Variants in TBX18 observed in about 807,000 individuals in gnomAD.
The protein encoded by TBX18 is T-box transcription factor 18.
A neutral mutation model predicts 55.0 loss-of-function variants in TBX18; 21 were observed. The observed-to-expected ratio is 0.38, with a 90% confidence interval of 0.27 to 0.55. TBX18 has a LOEUF of 0.55. Ranked by LOEUF, TBX18 falls within the 20% of genes least tolerant of loss-of-function variation. The pLI is 0.73. For missense variants in TBX18, 840 were observed against 799.6 expected (o/e 1.05, Z -0.61); for synonymous variants, 342 against 326.1 (o/e 1.05, Z -0.53).
At chr6:84,744,894 T>C (rs1767142522) in intron 5 of TBX18, among the ~76,000 whole-genome samples, 1 of 152,256 alleles carries the variant, frequency 6.6e-6, no homozygotes, top group African/African-American at 2.4e-5. Context: ...TATCTGAAAG[T>C]TTTATTCTTT....
chr6:84,752,078 C>A (rs770580404), intron 4 of TBX18, among the ~76,000 whole-genome samples: 3 of 151,984 alleles, frequency 2.0e-5, no homozygotes, highest in Non-Finnish European at 4.4e-5. Context: ...TGATTATTTT[C>A]TTTTGGGTTT....
intron 5 of TBX18, among the ~76,000 whole-genome samples, chr6:84,746,207 GCA>G (rs1767180155): frequency 6.6e-6 from 1 of 151,924 alleles, no homozygotes; most frequent in Admixed American, 6.6e-5. Context: ...TATGCAAAGT[GCA>G]CAGTTAATTT....
chr6:84,762,873 G>A (rs1227003056), intron 1 of TBX18, 125 bp from the exon 2 acceptor site: 2 of 878,862 alleles, frequency 2.3e-6, no homozygotes, highest in Non-Finnish European at 3.6e-6. Flanking sequence ...AAGCTTTGGT[G>A]CCATCAGGTC....
In TBX18 at chr6:84,736,812, C is replaced by T. The variant is rs376283250; in HGVS notation, c.1697G>A (p.Arg566Gln). Residue 566 changes from arginine (R) to glutamine (Q), a missense_variant, in exon 8 of 8, where the codon CGG becomes CAG. Physicochemically the swap from Arg to Gln is conservative, Grantham distance 43. Transcript: ENST00000369663. ...TCCTTCCACAGGGGGCAACATCTGC[C>T]GATCCGTCATGGTCCCACTCGGTGA... The part of the protein sequence containing the change: ...GSSPSGTMTD[R>Q]QMLPPVEGVH... The T allele has an allele frequency of 2.2e-4, 352 of 1,613,996 alleles. No homozygotes were observed. Among genetic ancestry groups the T allele is most frequent in the Non-Finnish European group, 2.9e-4 (344 of 1,180,022 alleles).
chr6:84,747,685 G>A (rs938701033), intron 5 of TBX18, among the ~76,000 whole-genome samples: 1 of 151,920 alleles, frequency 6.6e-6, no homozygotes, highest in African/African-American at 2.4e-5. Context: ...GCTCAAAATG[G>A]AAAGTAAACC....
intron 6 of TBX18, among the ~76,000 whole-genome samples, chr6:84,738,794 A>G (rs555097794): frequency 6.6e-6 from 1 of 152,286 alleles, no homozygotes; most frequent in East Asian, 1.9e-4. Flanking sequence ...GAGAACTGAA[A>G]TCACCCACCC....
chr6:84,752,563 C>T (rs1767378904), intron 4 of TBX18, among the ~76,000 whole-genome samples: 1 of 152,206 alleles, frequency 6.6e-6, no homozygotes, highest in Non-Finnish European at 1.5e-5. Flanking sequence ...TTCATCAGCT[C>T]ATTTAGTTCA....
chr6:84,751,616 T>C (rs539092934), intron 4 of TBX18, among the ~76,000 whole-genome samples: 1 of 152,348 alleles, frequency 6.6e-6, no homozygotes, highest in South Asian at 2.1e-4. Context: ...AAGGATTTCA[T>C]TCCTGCAATC....
In TBX18 at chr6:84,764,310, C is replaced by G; in HGVS notation, c.-129G>C. ...TCCCGAGATCTGCCCCCTTCCCCACCGCGGGCAAAAAACAGATTTGGCGTT... is the reference window on the plus strand; with the variant it reads ...TCCCGAGATCTGCCCCCTTCCCCACGGCGGGCAAAAAACAGATTTGGCGTT... On this transcript the variant is annotated 5_prime_UTR_variant, in exon 1 of 8. Coordinates refer to ENST00000369663, the MANE Select transcript of TBX18 (RefSeq NM_001080508.3). The G allele has an allele frequency of 1.6e-6, 2 of 1,246,268 alleles. No individual in the cohort carries two copies. The highest frequency in any genetic ancestry group is 2.1e-6 in the Non-Finnish European group (2 of 964,108). The allele number at this position is 1,246,268 out of a possible 1,614,324, so 77.2% of individuals were successfully genotyped here.
intron 5 of TBX18, among the ~76,000 whole-genome samples, chr6:84,746,686 T>C (rs1344767093): frequency 2.7e-5 from 4 of 148,234 alleles, no homozygotes; most frequent in Non-Finnish European, 5.9e-5. Flanking sequence ...ATGTTATATA[T>C]AATACGTTAA....
At chr6:84,746,911 T>A (rs1767211082) in intron 5 of TBX18, among the ~76,000 whole-genome samples, 1 of 151,490 alleles carries the variant, frequency 6.6e-6, no homozygotes. Flanking sequence ...AAAATTACAT[T>A]TCATGTTCCT....
intron 4 of TBX18, among the ~76,000 whole-genome samples, chr6:84,755,407 C>A (rs1480516574): frequency 6.6e-6 from 1 of 151,528 alleles, no homozygotes; most frequent in Non-Finnish European, 1.5e-5. Context: ...TGTTCTATTC[C>A]AAAAAAAAGT....
In TBX18 at chr6:84,760,140, G is replaced by A. The variant is rs139984313; in HGVS notation, c.599+115C>T. 1.5e-4 allele frequency: 91 copies of A among 592,012 alleles called. No individual in the cohort carries two copies. The East Asian group carries it at 2.9e-3, about 19-fold the overall frequency. 36.7% of individuals were successfully genotyped at this position (592,012 alleles called of 1,614,324 possible). ...CCCATGGGCGTTAAAGTATGGATCT[G>A]GAAATTCTACAGACTTCTGGAAGCA... On this transcript the variant is annotated intron_variant, in intron 3 of 7. Coordinates refer to ENST00000369663, the MANE Select transcript of TBX18 (RefSeq NM_001080508.3).
rs766851572 is a variant in TBX18 at position 84,732,502 on chromosome 6, C to T, written c.*4183G>A. On this transcript the variant is annotated 3_prime_UTR_variant, in exon 8 of 8. Coordinates refer to ENST00000369663, the MANE Select transcript of TBX18 (RefSeq NM_001080508.3). ...ATTCAAAAAGACACAATTGTTTTCT[C>T]GAGGATTTAAATGTATTTTGAATGG... 16 of 151,916 alleles carry T rather than the reference C, an allele frequency of 1.1e-4. No homozygotes were observed. The highest frequency in any genetic ancestry group is 2.1e-4 in the South Asian group (1 of 4,828). The allele number at this position is 151,916 out of a possible 1,614,324, so 9.4% of individuals were successfully genotyped here. A position where few individuals can be genotyped will look rare whatever the true frequency, so the allele number is the denominator to read the frequency against.
chr6:84,750,893 T>C (rs899811735), intron 4 of TBX18, among the ~76,000 whole-genome samples: 3 of 152,164 alleles, frequency 2.0e-5, no homozygotes, highest in African/African-American at 4.8e-5. Flanking sequence ...ACTCTGTTTT[T>C]CCCCCTCCCT....
intron 6 of TBX18, among the ~76,000 whole-genome samples, chr6:84,743,993 G>A (rs1767113543): frequency 1.3e-5 from 2 of 152,296 alleles, no homozygotes; most frequent in Middle Eastern, 3.4e-3. Flanking sequence ...TGTAAGGGCA[G>A]GTTTCTTCAA....
Position 84,763,840 on chromosome 6 carries a change from G to A in TBX18, c.292+50C>T, listed in dbSNP as rs763354976. On this transcript the variant is annotated intron_variant, in intron 1 of 7. Transcript: ENST00000369663. Reference sequence around the variant, plus strand: ...CACGCACACCCACAGACTCGCAGAAGTTCAGGTTCGCGCCGGAGAGAAGTT... The same window carrying A: ...CACGCACACCCACAGACTCGCAGAAATTCAGGTTCGCGCCGGAGAGAAGTT... 191 of 1,445,678 alleles carry A rather than the reference G, an allele frequency of 1.3e-4. No individual in the cohort carries two copies. In the African/African-American group the frequency reaches 2.5e-3, roughly 19 times the overall value. The allele number at this position is 1,445,678 out of a possible 1,614,324, so 89.6% of individuals were successfully genotyped here.
At chr6:84,751,196 T>TA (rs1767339133) in intron 4 of TBX18, among the ~76,000 whole-genome samples, 1 of 152,240 alleles carries the variant, frequency 6.6e-6, no homozygotes, top group Non-Finnish European at 1.5e-5. Context: ...GAGTTGTAAT[T>TA]AAAGAAACAA....
intron 3 of TBX18, among the ~76,000 whole-genome samples, chr6:84,759,957 G>A (rs887693828): frequency 3.9e-5 from 6 of 152,122 alleles, no homozygotes; most frequent in African/African-American, 1.4e-4. Flanking sequence ...GAATTGAAGT[G>A]TAAGTCAATA....
Sources: gnomAD v4.1 joint callset for allele counts (sites outside exome capture counted in the v4.1 genomes callset) on GRCh38, gnomAD v4.1.1 for gene constraint, MANE v1.5 for transcripts, NCBI Gene and HGNC (gene_info 2026-07-23, HGNC 2026-07-21) for gene names.